Variants in PUS7L observed in about 807,000 individuals in gnomAD.
The protein encoded by PUS7L is pseudouridine synthase 7 like.
PUS7L carries 49 observed loss-of-function variants against 51.1 expected under a neutral mutation model. The ratio of observed to expected loss-of-function variants is 0.96; its 90% CI spans 0.76 to 1.22. The LOEUF is 1.22. PUS7L is among the 50% of genes most tolerant of loss of function. PUS7L has a pLI of 0.00. For missense variants in PUS7L, 828 were observed against 820.6 expected (o/e 1.01, Z -0.11); for synonymous variants, 277 against 276.2 (o/e 1.00, Z -0.03).
At position 43,725,207 on chromosome 12, in the gene PUS7L, T is replaced by C. The variant is rs1295794213; in HGVS notation, c.*5169A>G. 6.6e-6 allele frequency: 1 copy of C among 152,180 alleles called. No homozygotes were observed. The highest frequency in any genetic ancestry group is 1.5e-5 in the Non-Finnish European group (1 of 68,028). The allele number at this position is 152,180 out of a possible 1,614,324, so 9.4% of individuals were successfully genotyped here. The stretch of plus-strand genomic sequence containing the variant: ...CATCTAAAACACCTCCTATGATCTA[T>C]AATGATTTTACATATTATTATGATA... On this transcript the variant is annotated 3_prime_UTR_variant, in exon 9 of 9. Coordinates refer to ENST00000344862, the MANE Select transcript of PUS7L (RefSeq NM_031292.5).
In PUS7L at chr12:43,725,811, G is replaced by A. The variant is rs1332349587; in HGVS notation, c.*4565C>T. ...CGCTATTTTGTTTGACCTTGATTAG[G>A]TTAGTAAACTACTCAGGTATGTTTC... On this transcript the variant is annotated 3_prime_UTR_variant, in exon 9 of 9. Coordinates refer to ENST00000344862, the MANE Select transcript of PUS7L (RefSeq NM_031292.5). 6.6e-6 allele frequency: 1 copy of A among 152,118 alleles called. No homozygotes were observed. Among genetic ancestry groups the A allele is most frequent in the Non-Finnish European group, 1.5e-5 (1 of 68,022 alleles). 9.4% of individuals were successfully genotyped at this position (152,118 alleles called of 1,614,324 possible).
intron 2 of PUS7L, among the ~76,000 whole-genome samples, chr12:43,749,021 C>T (rs1022523605): frequency 6.6e-6 from 1 of 152,010 alleles, no homozygotes; most frequent in Non-Finnish European, 1.5e-5. Context: ...CATGCCCAGC[C>T]GTAAGGAGTA....
At position 43,748,450 on chromosome 12, in the gene PUS7L, C is replaced by G. The variant is rs1287946515; in HGVS notation, c.1070G>C (p.Arg357Thr). The G allele has an allele frequency of 5.1e-6, 8 of 1,576,914 alleles. No individual in the cohort carries two copies. The African/African-American group carries it at 8.3e-5, about 16-fold the overall frequency. ...AMVVRKVTPE[R>T]LKNIEKEIEK... ...CTAAAATTTCTTAATATCTTATTAC[C>G]TCTCTGGAGTCACTTTTCTAACAAC... Residue 357 changes from arginine to threonine, a missense_variant and splice_region_variant, in exon 3 of 9, where the codon AGG (arginine) becomes ACG (threonine). Coordinates refer to ENST00000344862, the MANE Select transcript of PUS7L (RefSeq NM_031292.5).
At chr12:43,738,232 T>C in intron 6 of PUS7L, 78 bp downstream of exon 6, 1 of 792,320 alleles carries the variant, frequency 1.3e-6, no homozygotes, top group Non-Finnish European at 2.3e-6. Flanking sequence ...TTACAATAAA[T>C]GCTCTCCTGC....
chr12:43,738,793 T>G, intron 5 of PUS7L: 1 of 283,172 alleles, frequency 3.5e-6, no homozygotes. Flanking sequence ...TAGCAAGTAT[T>G]ATAAATAGTA....
rs1466389912 is a variant in PUS7L, at chr12:43,729,409, C to G, written c.*967G>C. 2 of 380,314 alleles carry G rather than the reference C, an allele frequency of 5.3e-6. No individual in the cohort carries two copies. The highest frequency in any genetic ancestry group is 4.5e-5 in the Admixed American group (1 of 22,124). 23.6% of individuals were successfully genotyped at this position (380,314 alleles called of 1,614,324 possible). A position where few individuals can be genotyped will look rare whatever the true frequency, so the allele number is the denominator to read the frequency against. On this transcript the variant is annotated 3_prime_UTR_variant, in exon 9 of 9. Coordinates refer to ENST00000344862, the MANE Select transcript of PUS7L (RefSeq NM_031292.5). Reference sequence around the variant, plus strand: ...CAATGAAAGAAATGCTCAGATCTTCCTAAATCAATACATGTCTACATGCCA... The same window carrying G: ...CAATGAAAGAAATGCTCAGATCTTCGTAAATCAATACATGTCTACATGCCA...
Position 43,754,729 on chromosome 12 carries a change from C to T in PUS7L, c.517G>A (p.Ala173Thr), listed in dbSNP as rs781032884. Residue 173 changes from alanine to threonine, a missense_variant, in exon 2 of 9, where the codon GCT (alanine) becomes ACT (threonine). Ala to Thr is a moderately conservative substitution (Grantham distance 58). Transcript: ENST00000344862. ...IGRILDKNQR[A>T]SLHSAIRQKF... ...TGCCTAATGGCACTGTGTAAACTAG[C>T]CCTCTGGTTTTTGTCAAGGATTCTG... The T allele has an allele frequency of 2.5e-6, 4 of 1,613,854 alleles. No individual in the cohort carries two copies. The highest frequency in any genetic ancestry group is 3.3e-5 in the Admixed American group (2 of 60,002).
rs1289240246 is a variant in PUS7L at position 43,727,887 on chromosome 12, T to TA, written c.*2488dup. 1.3e-5 allele frequency: 2 copies of TA among 152,172 alleles called. No individual in the cohort carries two copies. Among genetic ancestry groups the TA allele is most frequent in the Non-Finnish European group, 2.9e-5 (2 of 68,040 alleles). The allele number at this position is 152,172 out of a possible 1,614,324, so 9.4% of individuals were successfully genotyped here. ...AAGCAAAACTTTGGAAATGGGGCTA[T>TA]AGAAGGTCAGCAAAGGGTAGGTTTG... On this transcript the variant is annotated 3_prime_UTR_variant, in exon 9 of 9. Coordinates refer to ENST00000344862, the MANE Select transcript of PUS7L (RefSeq NM_031292.5).
chr12:43,750,950 G>T (rs111545131), intron 2 of PUS7L, among the ~76,000 whole-genome samples: 1 of 152,056 alleles, frequency 6.6e-6, no homozygotes, highest in African/African-American at 2.4e-5. Context: ...TACATAAATC[G>T]TTCCTTGAGT....
At chr12:43,743,750 G>A (rs951517810) in intron 4 of PUS7L, among the ~76,000 whole-genome samples, 5 of 151,274 alleles carry the variant, frequency 3.3e-5, no homozygotes, top group Non-Finnish European at 5.9e-5. Context: ...GTGACAGAGC[G>A]AGACTCCGTC....
rs984039149 is a variant in PUS7L at position 43,728,848 on chromosome 12, G to A, written c.*1528C>T. 1 of 174,098 alleles carries A rather than the reference G, an allele frequency of 5.7e-6. No homozygotes were observed. The highest frequency in any genetic ancestry group is 2.4e-5 in the African/African-American group (1 of 42,446). 10.8% of individuals were successfully genotyped at this position (174,098 alleles called of 1,614,324 possible). On this transcript the variant is annotated 3_prime_UTR_variant, in exon 9 of 9. Coordinates refer to ENST00000344862, the MANE Select transcript of PUS7L (RefSeq NM_031292.5). ...ACAGTAATCCTATGAGGTAGGCAATGTTAACATGCCCATTTTACAGATGTT... is the reference window on the plus strand; with the variant it reads ...ACAGTAATCCTATGAGGTAGGCAATATTAACATGCCCATTTTACAGATGTT...
rs1159077522 is a variant in PUS7L, at chr12:43,730,576, T to G, written c.1906A>C (p.Asn636His). 1 of 1,613,714 alleles carries G rather than the reference T, an allele frequency of 6.2e-7. No homozygotes were observed. The highest frequency in any genetic ancestry group is 2.2e-5 in the East Asian group (1 of 44,834). Residue 636 changes from asparagine (N) to histidine (H), a missense_variant, in exon 9 of 9, where the codon AAT (asparagine) becomes CAT (histidine). Asn to His is a moderately conservative substitution (Grantham distance 68). Coordinates refer to ENST00000344862, the MANE Select transcript of PUS7L (RefSeq NM_031292.5). ...ATCTGTCTATAGCAACCTGGTATAT[T>G]CAGTTTCAGAGTAGGTACTTTAAAC... ...CRFKVPTLKL[N>H]IPGCYRQILK...
chr12:43,757,704 G>A (rs1938864620), intron 1 of PUS7L, among the ~76,000 whole-genome samples: 1 of 152,192 alleles, frequency 6.6e-6, no homozygotes, highest in Non-Finnish European at 1.5e-5. Context: ...TACAAAATAA[G>A]AGCTGTAGGA....
intron 7 of PUS7L, among the ~76,000 whole-genome samples, chr12:43,734,226 T>C (rs976756266): frequency 3.3e-5 from 5 of 152,116 alleles, no homozygotes; most frequent in African/African-American, 1.2e-4. Context: ...GTTGACACTG[T>C]TGGGAAAGAA....
At position 43,720,916 on chromosome 12, in the gene PUS7L, CTA is replaced by C. The variant is rs1352615006; in HGVS notation, c.*9458_*9459del. The C allele has an allele frequency of 6.6e-6, 1 of 152,162 alleles. No homozygotes were observed. Among genetic ancestry groups the C allele is most frequent in the African/African-American group, 2.4e-5 (1 of 41,440 alleles). 9.4% of individuals were successfully genotyped at this position (152,162 alleles called of 1,614,324 possible). A position where few individuals can be genotyped will look rare whatever the true frequency, so the allele number is the denominator to read the frequency against. On this transcript the variant is annotated 3_prime_UTR_variant, in exon 9 of 9. Transcript: ENST00000344862. ...CTTTCTCTAGTTTCCTAACTGCATTCTATATGTGTCCTCATCTATAAAATGAA... is the reference window on the plus strand; with the variant it reads ...CTTTCTCTAGTTTCCTAACTGCATTCTATGTGTCCTCATCTATAAAATGAA...
intron 1 of PUS7L, among the ~76,000 whole-genome samples, chr12:43,755,992 T>C (rs1938682497): frequency 1.3e-5 from 2 of 152,280 alleles, no homozygotes; most frequent in Admixed American, 1.3e-4. Context: ...ATGGCTACCA[T>C]ACCATATGGA....
chr12:43,734,689 G>A (rs1166326786), intron 7 of PUS7L, among the ~76,000 whole-genome samples: 2 of 152,098 alleles, frequency 1.3e-5, no homozygotes, highest in South Asian at 2.1e-4. Flanking sequence ...ACCCAACAGG[G>A]CTAGGAGTTA....
In PUS7L at chr12:43,758,748, A is replaced by T; in HGVS notation, c.-35T>A. Reference sequence around the variant, plus strand: ...CGTCTACCTCGGTTCAGTGGAAGGCATTCATTTGCACAACGCTGTGCGCAT... The same window carrying T: ...CGTCTACCTCGGTTCAGTGGAAGGCTTTCATTTGCACAACGCTGTGCGCAT... On this transcript the variant is annotated 5_prime_UTR_variant, in exon 1 of 9. The change abolishes an upstream ATG in the 5' untranslated region. Coordinates refer to ENST00000344862, the MANE Select transcript of PUS7L (RefSeq NM_031292.5). The T allele has an allele frequency of 4.1e-6, 4 of 979,456 alleles. No homozygotes were observed. The highest frequency in any genetic ancestry group is 4.8e-6 in the Non-Finnish European group (4 of 828,422). The allele number at this position is 979,456 out of a possible 1,614,324, so 60.7% of individuals were successfully genotyped here.
intron 4 of PUS7L, among the ~76,000 whole-genome samples, chr12:43,745,752 T>TA (rs79555336): frequency 1.4e-5 from 2 of 138,780 alleles, no homozygotes; most frequent in Non-Finnish European, 1.6e-5. Context: ...AGCAGATGCT[T>TA]AAAAAAAATC....
Sources: allele counts gnomAD v4.1 joint callset (sites outside exome capture counted in the v4.1 genomes callset), GRCh38; gene constraint gnomAD v4.1.1; transcripts MANE v1.5; gene names NCBI Gene and HGNC (gene_info 2026-07-23, HGNC 2026-07-21).